The following NOSTRIN variants were observed in gnomAD, a reference collection of about 807,000 sequenced individuals.
NOSTRIN encodes the protein BM247 homolog.
A neutral mutation model predicts 59.0 loss-of-function variants in NOSTRIN; 63 were observed. The ratio of observed to expected loss-of-function variants is 1.07; its 90% confidence interval spans 0.87 to 1.32. The LOEUF (loss-of-function observed/expected upper bound fraction) is 1.32. Among genes scored for constraint, NOSTRIN ranks in the 40% most tolerant of loss-of-function variants. NOSTRIN has a pLI of 0.00. For synonymous variants in NOSTRIN, 200 were observed against 165.4 expected (o/e 1.21, Z -1.61); for missense variants, 512 against 473.1 (o/e 1.08, Z -0.76).
chr2:168,819,303 T>C (rs1057016793), intron 2 of NOSTRIN, among the ~76,000 whole-genome samples: 1 of 152,180 alleles, frequency 6.6e-6, no homozygotes, highest in Non-Finnish European at 1.5e-5. Context: ...TTCATTTCTA[T>C]TTAGCAGGAA....
At chr2:168,838,828 C>T (rs1687892272) in intron 7 of NOSTRIN, among the ~76,000 whole-genome samples, 1 of 141,880 alleles carries the variant, frequency 7.0e-6, no homozygotes, top group African/African-American at 2.7e-5. Flanking sequence ...GCTCTTGTTG[C>T]CCAGGCTGGA....
Position 168,860,842 on chromosome 2 carries a change from G to C in NOSTRIN, c.1227G>C (p.Lys409Asn). 2 of 1,613,874 alleles carry C rather than the reference G, an allele frequency of 1.2e-6. No individual in the cohort carries two copies. The highest frequency in any genetic ancestry group is 2.7e-5 in the African/African-American group (2 of 74,982). Residue 409 changes from lysine to asparagine, a missense_variant, in exon 14 of 16, where the codon AAG becomes AAC. Physicochemically the swap from Lys to Asn is moderately conservative, Grantham distance 94 (BLOSUM62 0). Coordinates refer to ENST00000317647, the MANE Select transcript of NOSTRIN (RefSeq NM_001039724.4). Reference sequence around the variant, plus strand: ...AAATATCTCGGCCTTTTTTAATGAAGAGATTAGAGAATATTGTGAGCAAGG... The same window carrying C: ...AAATATCTCGGCCTTTTTTAATGAACAGATTAGAGAATATTGTGAGCAAGG... ...YVKISRPFLMKRLENIVSKAS... is the reference protein window; with the variant it reads ...YVKISRPFLMNRLENIVSKAS...
intron 8 of NOSTRIN, among the ~76,000 whole-genome samples, chr2:168,845,807 T>TTTTG (rs1688384891): frequency 2.0e-5 from 3 of 151,306 alleles, no homozygotes; most frequent in Non-Finnish European, 3.0e-5. Flanking sequence ...TTTTTTTTTT[T>TTTTG]GTTAGAATCC....
chr2:168,797,455 T>C (rs1045228162), upstream of NOSTRIN, among the ~76,000 whole-genome samples: 1 of 152,072 alleles, frequency 6.6e-6, no homozygotes, highest in East Asian at 1.9e-4. Context: ...GTGCAATGGA[T>C]AGCAGTAGTA....
At position 168,831,708 on chromosome 2, in the gene NOSTRIN, A is replaced by G. The variant is rs142594302; in HGVS notation, c.405+174A>G. Among the ~76,000 whole-genome samples, 36 of 152,348 alleles carry G rather than the reference A, an allele frequency of 2.4e-4. No homozygotes were observed. The East Asian group carries it at 6.6e-3, about 28-fold the overall frequency. ...ATATATTTTTCACCAAACCAATGGA[A>G]GTGCATGGCTCTAACTATGATTATT... On this transcript the variant is annotated intron_variant, in intron 6 of 15. Transcript: ENST00000317647.
chr2:168,849,578 A>G (rs1688627386), intron 8 of NOSTRIN, among the ~76,000 whole-genome samples: 1 of 143,260 alleles, frequency 7.0e-6, no homozygotes, highest in Non-Finnish European at 1.5e-5. Context: ...CTGGCCTTGA[A>G]CTCCTGACCT....
intron 2 of NOSTRIN, among the ~76,000 whole-genome samples, chr2:168,823,583 A>G (rs775721014): frequency 3.9e-5 from 6 of 152,124 alleles, no homozygotes; most frequent in Non-Finnish European, 7.4e-5. Context: ...GTTTATGTCC[A>G]AATTTTCTCT....
chr2:168,826,374 T>C (rs950856444), intron 3 of NOSTRIN, among the ~76,000 whole-genome samples: 14 of 152,210 alleles, frequency 9.2e-5, no homozygotes, highest in African/African-American at 2.2e-4. Context: ...AAATCTGTGT[T>C]AGGTACTACA....
intron 7 of NOSTRIN, 87 bp from the exon 8 acceptor site, chr2:168,842,905 T>C (rs1299600644): frequency 2.5e-6 from 2 of 796,270 alleles, no homozygotes; most frequent in African/African-American, 1.7e-5. Context: ...AAACATATCA[T>C]TGAGCCACAT....
At chr2:168,826,067 T>C (rs1366988354) in intron 3 of NOSTRIN, among the ~76,000 whole-genome samples, 1 of 152,224 alleles carries the variant, frequency 6.6e-6, no homozygotes, top group Admixed American at 6.5e-5. Context: ...CCTCTCAAGA[T>C]CTCTTTAAAG....
chr2:168,813,883 CAATTA>C (rs1290907075), intron 2 of NOSTRIN, among the ~76,000 whole-genome samples: 1 of 152,146 alleles, frequency 6.6e-6, no homozygotes, highest in Admixed American at 6.5e-5. Context: ...TAAACTTTTA[CAATTA>C]AATTATTTCC....
At chr2:168,835,615 C>T (rs1217094341) in intron 7 of NOSTRIN, among the ~76,000 whole-genome samples, 2 of 152,118 alleles carry the variant, frequency 1.3e-5, no homozygotes, top group African/African-American at 2.4e-5. Context: ...TAACTGGAGC[C>T]AGAAAATGTC....
At position 168,851,048 on chromosome 2, in the gene NOSTRIN, A is replaced by G. The variant is rs989572807; in HGVS notation, c.631-36A>G. On this transcript the variant is annotated intron_variant, in intron 8 of 15. Coordinates refer to ENST00000317647, the MANE Select transcript of NOSTRIN (RefSeq NM_001039724.4). Reference sequence around the variant, plus strand: ...TGAGTGACTTCCATTTTGCATAACAACTGGCTGATCTTACCCCAATTTTCA... The same window carrying G: ...TGAGTGACTTCCATTTTGCATAACAGCTGGCTGATCTTACCCCAATTTTCA... 4.2e-6 allele frequency: 5 copies of G among 1,195,358 alleles called. No individual in the cohort carries two copies. The African/African-American group carries it at 7.5e-5, about 18-fold the overall frequency. The allele number at this position is 1,195,358 out of a possible 1,614,324, so 74.0% of individuals were successfully genotyped here.
At chr2:168,828,313 T>C (rs1440256048) in intron 4 of NOSTRIN, 93 bp downstream of exon 4, 3 of 867,358 alleles carry the variant, frequency 3.5e-6, no homozygotes, top group Admixed American at 3.4e-5. Flanking sequence ...CAACTTGCAC[T>C]GAATAGGTGT....
Position 168,860,910 on chromosome 2 carries a change from G to T in NOSTRIN, c.1294+1G>T. ...AGCAATCCAGGTTCTTCAACTCCAG[G>T]TAATCCCATGCCCACAATCATTTTG... On this transcript the variant is annotated splice_donor_variant, in intron 14 of 15. Transcript: ENST00000317647. LOFTEE classifies it high-confidence loss of function. 6.3e-7 allele frequency: 1 copy of T among 1,595,522 alleles called. No homozygotes were observed. Among genetic ancestry groups the T allele is most frequent in the Non-Finnish European group, 8.6e-7 (1 of 1,163,194 alleles).
At chr2:168,856,563 A>G in intron 11 of NOSTRIN, 127 bp from the exon 12 acceptor site, 1 of 723,236 alleles carries the variant, frequency 1.4e-6, no homozygotes, top group Non-Finnish European at 2.3e-6. Flanking sequence ...TGACAGAGCA[A>G]GACTCCGTCT....
At chr2:168,789,603 G>C (rs564396038) in intron 2 of NOSTRIN, among the ~76,000 whole-genome samples, 1 of 152,192 alleles carries the variant, frequency 6.6e-6, no homozygotes, top group Non-Finnish European at 1.5e-5. Flanking sequence ...ATCAGCTGGA[G>C]TGTGCCTCCT....
intron 1 of NOSTRIN, 101 bp from the exon 2 acceptor site, chr2:168,811,466 T>C (rs1686129460): frequency 3.7e-6 from 2 of 536,178 alleles, no homozygotes; most frequent in Non-Finnish European, 3.3e-6. Flanking sequence ...ATAATGACAG[T>C]CATAGTTATA....
chr2:168,802,757 A>G, intron 1 of NOSTRIN, 84 bp downstream of exon 1: 1 of 825,758 alleles, frequency 1.2e-6, no homozygotes. Context: ...TAACTTAAGA[A>G]ATTTGAGACA....
Sources: allele counts gnomAD v4.1 joint callset (sites outside exome capture counted in the v4.1 genomes callset), GRCh38; gene constraint gnomAD v4.1.1; transcripts MANE v1.5; gene names NCBI Gene and HGNC (gene_info 2026-07-23, HGNC 2026-07-21).